Variants in MBP observed in about 807,000 individuals in gnomAD.
The protein encoded by MBP is Golli-MBP.
MBP carries 16 observed loss-of-function variants against 35.8 expected under a neutral mutation model. That is an observed-to-expected ratio of 0.45 (90% CI 0.30 to 0.68). The LOEUF is 0.68. Among genes scored for constraint, MBP ranks in the 30% least tolerant of loss-of-function variants. MBP has a pLI of 0.08. For missense variants in MBP, 380 were observed against 404.7 expected (o/e 0.94, Z 0.52); for synonymous variants, 143 against 159.6 (o/e 0.90, Z 0.78).
At chr18:77,040,728 A>C (rs926031274) in intron 3 of MBP, among the ~76,000 whole-genome samples, 1 of 152,252 alleles carries the variant, frequency 6.6e-6, no homozygotes, top group Non-Finnish European at 1.5e-5. Flanking sequence ...GGCTAGCCAT[A>C]TGTAGAAAGC....
Position 77,000,578 on chromosome 18 carries a change from G to C in MBP, c.577-10518C>G, listed in dbSNP as rs147717512. Among the ~76,000 whole-genome samples, 4 of 152,206 alleles carry C rather than the reference G, an allele frequency of 2.6e-5. No homozygotes were observed. The East Asian group carries it at 7.7e-4, about 29-fold the overall frequency. On this transcript the variant is annotated intron_variant, in intron 4 of 8. Coordinates refer to ENST00000355994, the MANE Select transcript of MBP (RefSeq NM_001025101.2). ...TTTCCATTAGGCTGTTTGATTGCATGATTTTTGAAGAATTATTTTCCTCAA... is the reference window on the plus strand; with the variant it reads ...TTTCCATTAGGCTGTTTGATTGCATCATTTTTGAAGAATTATTTTCCTCAA...
chr18:77,009,975 G>A (rs375085152), intron 4 of MBP: 87 of 1,318,160 alleles, frequency 6.6e-5, no homozygotes, highest in South Asian at 6.0e-4. Flanking sequence ...GGGCGCCGCC[G>A]GCAATGCCCC....
chr18:77,018,658 A>G (rs1486139191), intron 3 of MBP, among the ~76,000 whole-genome samples: 6 of 133,216 alleles, frequency 4.5e-5, no homozygotes, highest in African/African-American at 1.7e-4. Context: ...CAGTCCATTT[A>G]CCCATTTATC....
chr18:77,000,188 A>G (rs1366250065), intron 4 of MBP, among the ~76,000 whole-genome samples: 3 of 152,260 alleles, frequency 2.0e-5, no homozygotes, highest in Non-Finnish European at 4.4e-5. Flanking sequence ...ACATGCTCAT[A>G]TGAAGATATC....
chr18:77,099,088 C>CT (rs1975893572), intron 2 of MBP, among the ~76,000 whole-genome samples: 1 of 152,248 alleles, frequency 6.6e-6, no homozygotes, highest in Admixed American at 6.5e-5. Context: ...AACATTGGAC[C>CT]TGTAAGCATC....
intron 3 of MBP, among the ~76,000 whole-genome samples, chr18:77,056,046 G>C (rs1973705697): frequency 6.6e-6 from 1 of 152,278 alleles, no homozygotes; most frequent in Non-Finnish European, 1.5e-5. Flanking sequence ...CTGACCGTGT[G>C]GATGAAGGGC....
rs76106966 is a variant in MBP at position 77,043,769 on chromosome 18, C to T, written c.139+22529G>A. On this transcript the variant is annotated intron_variant, in intron 3 of 8. Coordinates refer to ENST00000355994, the MANE Select transcript of MBP (RefSeq NM_001025101.2). ...GTGAGTAAAACTTTCCCAGGGGAGCCGGAGTTGAGTGAGAAAGGGATGCAG... is the reference window on the plus strand; with the variant it reads ...GTGAGTAAAACTTTCCCAGGGGAGCTGGAGTTGAGTGAGAAAGGGATGCAG... 2.2e-3 allele frequency among the ~76,000 whole-genome samples: 333 copies of T among 152,272 alleles called. 4 individuals are homozygous for T. The highest frequency in any genetic ancestry group is 7.4e-3 in the African/African-American group (309 of 41,544).
chr18:76,987,997 T>G (rs946922858), intron 7 of MBP: 1 of 1,287,828 alleles, frequency 7.8e-7, no homozygotes, highest in Non-Finnish European at 9.9e-7. Flanking sequence ...CAAAAATCTT[T>G]GGATTAATGA....
chr18:77,069,268 T>C (rs1324919501), intron 2 of MBP, among the ~76,000 whole-genome samples: 1 of 152,232 alleles, frequency 6.6e-6, no homozygotes, highest in East Asian at 1.9e-4. Context: ...ACACTTTTCA[T>C]ATCTATCCAG....
At chr18:77,002,429 A>C (rs150632336) in intron 4 of MBP, among the ~76,000 whole-genome samples, 14 of 152,350 alleles carry the variant, frequency 9.2e-5, no homozygotes, top group African/African-American at 3.4e-4. Context: ...CCAGTGGCTA[A>C]ATGCAGTAGG....
At chr18:77,076,257 C>T (rs1326384932) in intron 2 of MBP, among the ~76,000 whole-genome samples, 3 of 152,200 alleles carry the variant, frequency 2.0e-5, no homozygotes, top group East Asian at 1.9e-4. Context: ...GTGGGTTTGG[C>T]ACTATGCTGG....
intron 3 of MBP, among the ~76,000 whole-genome samples, chr18:77,046,416 CT>C (rs1973260380): frequency 6.6e-6 from 1 of 152,264 alleles, no homozygotes; most frequent in South Asian, 2.1e-4. Flanking sequence ...GGGAAATCCA[CT>C]GGCATGGTTC....
rs1283633298 is a variant in MBP, at chr18:76,980,083, G to C, written c.*344C>G. On this transcript the variant is annotated 3_prime_UTR_variant, in exon 9 of 9. Transcript: ENST00000355994. ...AAAAGCGCAAGGGTGCCGCAGCCAC[G>C]GCGAAAAGAAAGTCCAAGGGTGGAG... The C allele has an allele frequency of 2.9e-6, 2 of 697,872 alleles. No individual in the cohort carries two copies. The highest frequency in any genetic ancestry group is 2.6e-4 in the Middle Eastern group (1 of 3,824). 43.2% of individuals were successfully genotyped at this position (697,872 alleles called of 1,614,324 possible).
At chr18:77,117,470 C>T (rs1259316107) in intron 1 of MBP, among the ~76,000 whole-genome samples, 1 of 152,112 alleles carries the variant, frequency 6.6e-6, no homozygotes, top group Non-Finnish European at 1.5e-5. Flanking sequence ...TTTATGCCTA[C>T]ATCAAAATCA....
intron 1 of MBP, among the ~76,000 whole-genome samples, chr18:77,126,055 C>T (rs1026861859): frequency 6.6e-6 from 1 of 152,140 alleles, no homozygotes; most frequent in South Asian, 2.1e-4. Flanking sequence ...CAAGTGGGAA[C>T]ACTTTCTAAC....
chr18:77,037,047 G>A (rs543170657), intron 3 of MBP, among the ~76,000 whole-genome samples: 1 of 147,892 alleles, frequency 6.8e-6, no homozygotes, highest in East Asian at 2.0e-4. Flanking sequence ...AGTAAGTGCT[G>A]GTCACATTTT....
intron 4 of MBP, chr18:77,014,372 C>T (rs764278427): frequency 7.7e-4 from 756 of 985,402 alleles, no homozygotes; most frequent in Admixed American, 1.2e-3. Context: ...GGGCTCCACT[C>T]AGAGTCTGGC....
At chr18:77,029,701 A>G (rs1038333642) in intron 3 of MBP, among the ~76,000 whole-genome samples, 1 of 152,078 alleles carries the variant, frequency 6.6e-6, no homozygotes, top group African/African-American at 2.4e-5. Context: ...ATGTTTTGGT[A>G]GCGCATCTAG....
At chr18:77,106,642 C>G (rs1380314033) in intron 1 of MBP, among the ~76,000 whole-genome samples, 1 of 152,150 alleles carries the variant, frequency 6.6e-6, no homozygotes, top group Admixed American at 6.5e-5. Flanking sequence ...GGTCAAAGTG[C>G]CCACAGATGA....
Sources: gnomAD v4.1 joint callset for allele counts (sites outside exome capture counted in the v4.1 genomes callset) on GRCh38, gnomAD v4.1.1 for gene constraint, MANE v1.5 for transcripts, NCBI Gene and HGNC (gene_info 2026-07-23, HGNC 2026-07-21) for gene names.